The following NBPF15 variants were observed in gnomAD, a reference collection of about 807,000 sequenced individuals.
The protein encoded by NBPF15 is NBPF family member NBPF15.
A neutral mutation model predicts 62.2 loss-of-function variants in NBPF15; 74 were observed. The ratio of observed to expected loss-of-function variants is 1.19; its 90% CI spans 0.99 to 1.44. The LOEUF (loss-of-function observed/expected upper bound fraction) is 1.44, where lower values mean the gene tolerates loss of function less well. Ranked by LOEUF, NBPF15 falls within the 40% of genes most tolerant of loss-of-function variation. The pLI is 0.00. For synonymous variants in NBPF15, 244 were observed against 209.7 expected (o/e 1.16, Z -1.41); for missense variants, 790 against 550.0 (o/e 1.44, Z -4.36).
intron 3 of NBPF15, among the ~76,000 whole-genome samples, chr1:144,459,098 A>T (rs587734046): frequency 6.6e-6 from 1 of 151,902 alleles, no homozygotes; most frequent in African/African-American, 2.4e-5. Context: ...ACACAGAAAA[A>T]TGTGTTCATA....
intron 6 of NBPF15, among the ~76,000 whole-genome samples, chr1:144,444,802 C>T (rs1686065391): frequency 6.6e-6 from 1 of 151,956 alleles, no homozygotes; most frequent in Admixed American, 6.6e-5. Flanking sequence ...TGTCTTGTTA[C>T]TGAGCCACGA....
At chr1:144,432,279 G>A (rs1351613495) in intron 13 of NBPF15, among the ~76,000 whole-genome samples, 1 of 151,586 alleles carries the variant, frequency 6.6e-6, no homozygotes, top group Non-Finnish European at 1.5e-5. Flanking sequence ...GTCACCACCA[G>A]GCCTGCCTTA....
At chr1:144,447,663 G>T (rs1342726544) in intron 6 of NBPF15, among the ~76,000 whole-genome samples, 1 of 151,996 alleles carries the variant, frequency 6.6e-6, no homozygotes. Context: ...ATAATGCCAG[G>T]TGACACTAAT....
intron 6 of NBPF15, chr1:144,440,661 T>G (rs1682142441): frequency 1.3e-5 from 2 of 158,420 alleles, no homozygotes; most frequent in Non-Finnish European, 1.3e-5. Flanking sequence ...TTTTTTTTTT[T>G]TTTTTGTTTG....
chr1:144,440,423 G>T (rs1165627040), intron 6 of NBPF15, 128 bp from the exon 7 acceptor site: 77 of 577,480 alleles, frequency 1.3e-4, no homozygotes, highest in Non-Finnish European at 2.1e-4. Flanking sequence ...CACCAATGGG[G>T]ATCATTCCTT....
At chr1:144,452,165 TA>T (rs1691592632) in intron 4 of NBPF15, among the ~76,000 whole-genome samples, 3 of 151,854 alleles carry the variant, frequency 2.0e-5, no homozygotes, top group Admixed American at 2.0e-4. Flanking sequence ...AAAAAAAAGA[TA>T]AAATAAAATA....
chr1:144,432,063 G>A (rs1415304955), intron 13 of NBPF15, among the ~76,000 whole-genome samples: 1 of 152,012 alleles, frequency 6.6e-6, no homozygotes, highest in Non-Finnish European at 1.5e-5. Context: ...CTGAGGAATT[G>A]CCACACTGCC....
chr1:144,428,997 C>G (rs1462203121), intron 14 of NBPF15, among the ~76,000 whole-genome samples: 2 of 151,998 alleles, frequency 1.3e-5, no homozygotes, highest in Non-Finnish European at 2.9e-5. Context: ...TAAGCTTTCT[C>G]TCATTAAATA....
Position 144,439,933 on chromosome 1 carries a change from A to C in NBPF15, c.71T>G (p.Leu24Trp). Residue 24 changes from leucine to tryptophan, a missense_variant, in exon 8 of 22, where the codon TTG (leucine) becomes TGG (tryptophan). By Grantham distance (61) the Leu-to-Trp change is moderately conservative. Coordinates refer to ENST00000581897, the MANE Select transcript of NBPF15 (RefSeq NM_001385408.1). ...EMNILEINEK[L>W]RPQLAEKKQQ... ...TTTCTTCTCTGCCAACTGGGGGCGC[A>C]ATTTCTCATTGATTTCTAGAATGTT... is the stretch of plus-strand genomic sequence containing the variant. The C allele has an allele frequency of 6.2e-7, 1 of 1,611,246 alleles. No individual in the cohort carries two copies. Among genetic ancestry groups the C allele is most frequent in the South Asian group, 1.1e-5 (1 of 90,946 alleles).
Position 144,461,464 on chromosome 1 carries a change from C to T in NBPF15, c.-1021G>A, listed in dbSNP as rs587772017. The T allele has an allele frequency of 6.6e-6, 1 of 152,574 alleles. No individual in the cohort carries two copies. The highest frequency in any genetic ancestry group is 1.9e-4 in the East Asian group (1 of 5,158). 9.5% of individuals were successfully genotyped at this position (152,574 alleles called of 1,614,324 possible). A position where few individuals can be genotyped will look rare whatever the true frequency, so the allele number is the denominator to read the frequency against. On this transcript the variant is annotated 5_prime_UTR_variant, in exon 1 of 22. The change abolishes an upstream ATG in the 5' untranslated region. Coordinates refer to ENST00000581897, the MANE Select transcript of NBPF15 (RefSeq NM_001385408.1). ...AAACCGTAACTTCCCATCCAGACGG[C>T]ATCCGTGCGCCACGCCTCGGCCCGC...
chr1:144,440,137 T>A lies in NBPF15; in HGVS notation c.-36+4A>T, dbSNP rs1681724304. On this transcript the variant is annotated splice_donor_region_variant and intron_variant, in intron 7 of 21. Coordinates refer to ENST00000581897, the MANE Select transcript of NBPF15 (RefSeq NM_001385408.1). ...GATGTAAGTAACTGAAATTCTTAAC[T>A]TACTGTTGTCAAAAATGTGATCACT... The A allele has an allele frequency of 4.4e-6, 7 of 1,585,512 alleles. No individual in the cohort carries two copies. The South Asian group carries it at 6.6e-5, about 15-fold the overall frequency.
chr1:144,441,722 T>G (rs1275646075), intron 6 of NBPF15, among the ~76,000 whole-genome samples: 1 of 151,492 alleles, frequency 6.6e-6, no homozygotes, highest in African/African-American at 2.4e-5. Flanking sequence ...TTCATGAAAC[T>G]ATTTCCTATT....
At chr1:144,459,937 C>A (rs1404181805) in intron 2 of NBPF15, among the ~76,000 whole-genome samples, 2 of 149,536 alleles carry the variant, frequency 1.3e-5, no homozygotes, top group Non-Finnish European at 3.0e-5. Flanking sequence ...CTAAAACCAA[C>A]AATGCCACTC....
rs1333326641 is a variant in NBPF15, at chr1:144,422,684, G to C, written c.*329C>G. 4.1e-6 allele frequency: 2 copies of C among 486,550 alleles called. No homozygotes were observed. Among genetic ancestry groups the C allele is most frequent in the Admixed American group, 3.4e-5 (1 of 29,276 alleles). The allele number at this position is 486,550 out of a possible 1,614,324, so 30.1% of individuals were successfully genotyped here. A position where few individuals can be genotyped will look rare whatever the true frequency, so the allele number is the denominator to read the frequency against. On this transcript the variant is annotated 3_prime_UTR_variant, in exon 22 of 22. Transcript: ENST00000581897. Reference sequence around the variant, plus strand: ...CAAAGATGACAATGACCTTGAGCAGGTATAGAAGCTCAGAGACATGCCTGC... The same window carrying C: ...CAAAGATGACAATGACCTTGAGCAGCTATAGAAGCTCAGAGACATGCCTGC...
intron 13 of NBPF15, among the ~76,000 whole-genome samples, chr1:144,433,285 G>T (rs1675850354): frequency 6.6e-6 from 1 of 152,054 alleles, no homozygotes; most frequent in Non-Finnish European, 1.5e-5. Flanking sequence ...CAGAATCTCT[G>T]AGACACATTT....
At position 144,422,909 on chromosome 1, in the gene NBPF15, T is replaced by A. The variant is rs587671056; in HGVS notation, c.*104A>T. The A allele has an allele frequency of 8.0e-5, 128 of 1,609,958 alleles. No individual in the cohort carries two copies. In the African/African-American group the frequency reaches 1.6e-3, roughly 20 times the overall value. Reference sequence around the variant, plus strand: ...GAATAGAGCCATGCTCACTGACCCATCCTATGTCTGGGCTTCCAAATGGAA... The same window carrying A: ...GAATAGAGCCATGCTCACTGACCCAACCTATGTCTGGGCTTCCAAATGGAA... On this transcript the variant is annotated 3_prime_UTR_variant, in exon 22 of 22. Coordinates refer to ENST00000581897, the MANE Select transcript of NBPF15 (RefSeq NM_001385408.1).
rs587728637 is a variant in NBPF15 at position 144,423,253 on chromosome 1, G to C, written c.1773C>G (p.Leu591=). The C allele has an allele frequency of 2.7e-5, 44 of 1,611,430 alleles. No individual in the cohort carries two copies. The South Asian group carries it at 4.3e-4, about 16-fold the overall frequency. ...GEDDNPPCPR[L]YGVLMEVEEP... ...CTTCCACTTCCATCAGCACGCCGTAGAGCCTGGAAAAGGAGACAAAACTAA... is the reference window on the plus strand; with the variant it reads ...CTTCCACTTCCATCAGCACGCCGTACAGCCTGGAAAAGGAGACAAAACTAA... The change falls in exon 22 of 22, where the codon CTC becomes CTG. Residue 591 remains leucine (L), a synonymous_variant. Transcript: ENST00000581897.
At position 144,449,641 on chromosome 1, in the gene NBPF15, G is replaced by T. The variant is rs1412989553; in HGVS notation, c.-332-725C>A. 3.3e-5 allele frequency among the ~76,000 whole-genome samples: 5 copies of T among 151,998 alleles called. 1 individual carries two copies. The highest frequency in any genetic ancestry group is 1.2e-4 in the African/African-American group (5 of 41,386). ...AGAAATGCAGAGCAGAGAGCCCAGA[G>T]GTAAAGACCCACAGGACAGAGGGTC... On this transcript the variant is annotated intron_variant, in intron 5 of 21. Coordinates refer to ENST00000581897, the MANE Select transcript of NBPF15 (RefSeq NM_001385408.1).
intron 6 of NBPF15, among the ~76,000 whole-genome samples, chr1:144,444,026 C>A (rs1238468914): frequency 1.3e-5 from 2 of 151,876 alleles, no homozygotes; most frequent in Non-Finnish European, 2.9e-5. Flanking sequence ...TTCTTTCATG[C>A]ATCAATGTAA....
Sources: allele counts gnomAD v4.1 joint callset (sites outside exome capture counted in the v4.1 genomes callset), GRCh38; gene constraint gnomAD v4.1.1; transcripts MANE v1.5; gene names NCBI Gene and HGNC (gene_info 2026-07-23, HGNC 2026-07-21).